Variants in SBNO2 observed in about 807,000 individuals in gnomAD.
SBNO2 encodes the protein protein strawberry notch homolog 2.
In SBNO2, 89 loss-of-function variants were observed where a neutral mutation model predicts 146.3. The observed-to-expected ratio is 0.61, with a 90% CI of 0.51 to 0.73. SBNO2 has a LOEUF of 0.73. Among genes scored for constraint, SBNO2 ranks in the 30% least tolerant of loss-of-function variants. The probability of loss-of-function intolerance (pLI) is 0.00; values close to 1 mark genes in which losing one functional copy is unlikely to be tolerated. For synonymous variants in SBNO2, 1,147 were observed against 892.6 expected (o/e 1.29, Z -5.08); for missense variants, 2,092 against 2,003.7 (o/e 1.04, Z -0.84).
At chr19:1,169,996 G>A (rs1321565329) in intron 1 of SBNO2, among the ~76,000 whole-genome samples, 2 of 152,036 alleles carry the variant, frequency 1.3e-5, no homozygotes, top group East Asian at 1.9e-4. Flanking sequence ...CTCTGGACAC[G>A]TGACCACACG....
At position 1,119,034 on chromosome 19, in the gene SBNO2, C is replaced by A. The variant is rs759529238; in HGVS notation, c.1504G>T (p.Val502Phe). Residue 502 changes from valine to phenylalanine, a missense_variant, in exon 14 of 32, where the codon GTC (valine) becomes TTC (phenylalanine). By Grantham distance (50) the Val-to-Phe change is conservative. Coordinates refer to ENST00000361757, the MANE Select transcript of SBNO2 (RefSeq NM_014963.3). ...ACCAGCAGGGCCGCGCGGTTGTAGACGCACTCGAAGGCTGGGGCCAGCGGG... is the reference window on the plus strand; with the variant it reads ...ACCAGCAGGGCCGCGCGGTTGTAGAAGCACTCGAAGGCTGGGGCCAGCGGG... ...EIPLAPAFEC[V>F]YNRAALLWAE... 1.2e-6 allele frequency: 2 copies of A among 1,602,474 alleles called. No homozygotes were observed. Among genetic ancestry groups the A allele is most frequent in the Non-Finnish European group, 1.7e-6 (2 of 1,176,798 alleles).
At chr19:1,151,981 T>C (rs761083307) in intron 2 of SBNO2, among the ~76,000 whole-genome samples, 3 of 152,140 alleles carry the variant, frequency 2.0e-5, no homozygotes, top group Non-Finnish European at 2.9e-5. Context: ...TTATTTCTAA[T>C]TGAATACTCT....
rs1325115740 is a variant in SBNO2 at position 1,126,825 on chromosome 19, A to G, written c.441+779T>C. Among the ~76,000 whole-genome samples, 1 of 152,200 alleles carries G rather than the reference A, an allele frequency of 6.6e-6. No individual in the cohort carries two copies. Among genetic ancestry groups the G allele is most frequent in the Non-Finnish European group, 1.5e-5 (1 of 68,026 alleles). On this transcript the variant is annotated intron_variant, in intron 5 of 31. Coordinates refer to ENST00000361757, the MANE Select transcript of SBNO2 (RefSeq NM_014963.3). This position sits in a 1 kb window ranked among gnomAD's most constrained non-coding sequence, Gnocchi z 4.4. Reference sequence around the variant, plus strand: ...CTCGTGGACAGGCCCGGATTGGGGAAGGGACTTGCCAGGCCTGGCTCCCAG... The same window carrying G: ...CTCGTGGACAGGCCCGGATTGGGGAGGGGACTTGCCAGGCCTGGCTCCCAG...
intron 2 of SBNO2, among the ~76,000 whole-genome samples, chr19:1,153,769 C>T (rs1436418359): frequency 6.6e-6 from 1 of 152,198 alleles, no homozygotes; most frequent in Non-Finnish European, 1.5e-5. Context: ...AACTCGGGAC[C>T]TCAGGTGATC....
In SBNO2 at chr19:1,158,975, C is replaced by G. The variant is rs1334610966; in HGVS notation, c.-126-4573G>C. On this transcript the variant is annotated intron_variant, in intron 1 of 31. Transcript: ENST00000361757. This position sits in a 1 kb window ranked among gnomAD's most constrained non-coding sequence, Gnocchi z 9.9. ...GCCGTGACCCCACTTGCAGCTGCAACCGCCGCCCCACGGCCGTGACCCCAC... is the reference window on the plus strand; with the variant it reads ...GCCGTGACCCCACTTGCAGCTGCAAGCGCCGCCCCACGGCCGTGACCCCAC... 1.3e-5 allele frequency among the ~76,000 whole-genome samples: 2 copies of G among 151,058 alleles called. No individual in the cohort carries two copies. The highest frequency in any genetic ancestry group is 3.9e-4 in the East Asian group (2 of 5,130).
Position 1,112,497 on chromosome 19 carries a change from G to A in SBNO2, c.2420C>T (p.Ser807Phe). The change falls in exon 21 of 32, where the codon TCC becomes TTC. Residue 807 changes from serine to phenylalanine, a missense_variant. Ser to Phe is a radical substitution (Grantham distance 155, BLOSUM62 -2). Transcript: ENST00000361757. The surrounding 1 kb of genome is among the most constrained non-coding windows in gnomAD (Gnocchi z 5.9). ...IISEASSSGV[S>F]LQADRRVQNQ... ...CTGGACACGGCGGTCGGCTTGGAGG[G>A]AGACACCCGAGCTGGAGGCCTCCGA... The A allele has an allele frequency of 6.2e-7, 1 of 1,605,916 alleles. No individual in the cohort carries two copies. The highest frequency in any genetic ancestry group is 8.5e-7 in the Non-Finnish European group (1 of 1,178,300).
At chr19:1,117,290 C>G (rs764077971) in intron 15 of SBNO2, 33 bp downstream of exon 15, 2 of 1,537,092 alleles carry the variant, frequency 1.3e-6, no homozygotes, top group Admixed American at 2.0e-5. Context: ...CAGGCCCGGC[C>G]GCCCTCAGCC....
chr19:1,108,217 G>A lies in SBNO2; in HGVS notation c.*3C>T. On this transcript the variant is annotated 3_prime_UTR_variant, in exon 32 of 32. Transcript: ENST00000361757. Reference sequence around the variant, plus strand: ...CTTGGGGCATGTTTCGCCTAAAGGCGTGTCAGAGAGGAGCCTGGGCGCCGG... The same window carrying A: ...CTTGGGGCATGTTTCGCCTAAAGGCATGTCAGAGAGGAGCCTGGGCGCCGG... 2.6e-6 allele frequency: 4 copies of A among 1,527,318 alleles called. No homozygotes were observed. The highest frequency in any genetic ancestry group is 2.1e-4 in the Middle Eastern group (1 of 4,736). 94.6% of individuals were successfully genotyped at this position (1,527,318 alleles called of 1,614,324 possible). A position where few individuals can be genotyped will look rare whatever the true frequency, so the allele number is the denominator to read the frequency against.
At chr19:1,162,036 G>A (rs2080352412) in intron 1 of SBNO2, among the ~76,000 whole-genome samples, 1 of 150,914 alleles carries the variant, frequency 6.6e-6, no homozygotes, top group Admixed American at 6.6e-5. Context: ...GGCGCCTGGG[G>A]CCTTTGCAGG....
At chr19:1,122,606 C>CCCCGG in intron 9 of SBNO2, 48 bp from the exon 10 acceptor site, 3 of 1,460,382 alleles carry the variant, frequency 2.1e-6, no homozygotes, top group Non-Finnish European at 2.7e-6. Context: ...CCTCGCCCCC[C>CCCCGG]GCTTCCGCCC....
chr19:1,111,431 T>C, intron 24 of SBNO2, 75 bp downstream of exon 24: 1 of 1,025,538 alleles, frequency 9.8e-7, no homozygotes, highest in Non-Finnish European at 1.5e-6. Flanking sequence ...CAAAGCCTGC[T>C]GCCCCAGCTG....
At chr19:1,128,364 T>C (rs1259201674) in intron 4 of SBNO2, 1 of 338,376 alleles carries the variant, frequency 3.0e-6, no homozygotes, top group Non-Finnish European at 5.8e-6. Context: ...ACACACGCGC[T>C]GCCCAGTGAA....
chr19:1,136,052 T>A lies in SBNO2; in HGVS notation c.280-8287A>T, dbSNP rs913972112. ...AAAGGCCGCACTGGCCGAGCGGGTG[T>A]TCTGTGCCTGGTGTCCTCATTCGAA... On this transcript the variant is annotated intron_variant, in intron 4 of 31. Coordinates refer to ENST00000361757, the MANE Select transcript of SBNO2 (RefSeq NM_014963.3). The surrounding 1 kb of genome is among the most constrained non-coding windows in gnomAD (Gnocchi z 4.2). Among the ~76,000 whole-genome samples the A allele has an allele frequency of 6.6e-5, 10 of 150,442 alleles. No homozygotes were observed. Among genetic ancestry groups the A allele is most frequent in the Admixed American group, 3.3e-4 (5 of 15,132 alleles).
chr19:1,168,569 C>G (rs1000059511), intron 1 of SBNO2: 1 of 152,298 alleles, frequency 6.6e-6, no homozygotes, highest in Non-Finnish European at 1.5e-5. Context: ...AAGCCTGGCC[C>G]TCTCACAGCG....
intron 2 of SBNO2, among the ~76,000 whole-genome samples, chr19:1,152,314 A>G (rs75101177): frequency 0.074 from 11,284 of 152,210 alleles, 585 homozygotes; most frequent in East Asian, 0.25. Context: ...TCCCCACCGT[A>G]GAGCCTCTGG....
At chr19:1,128,988 T>C (rs1373856329) in intron 4 of SBNO2, among the ~76,000 whole-genome samples, 3 of 145,506 alleles carry the variant, frequency 2.1e-5, no homozygotes, top group African/African-American at 7.5e-5. Flanking sequence ...AAAAATAGAC[T>C]GGGCATGGTA....
chr19:1,119,833 T>C (rs2079878644), intron 12 of SBNO2, 73 bp downstream of exon 12: 1 of 1,186,080 alleles, frequency 8.4e-7, no homozygotes, highest in Non-Finnish European at 1.2e-6. Context: ...GCGTGTGGGA[T>C]ACCCCTTCGC....
rs555375085 is a variant in SBNO2, at chr19:1,124,085, G to A, written c.442-63C>T. The A allele has an allele frequency of 2.3e-4, 338 of 1,490,838 alleles. 2 individuals carry two copies. The Middle Eastern group carries it at 2.5e-3, about 11-fold the overall frequency. 92.4% of individuals were successfully genotyped at this position (1,490,838 alleles called of 1,614,324 possible). On this transcript the variant is annotated intron_variant, in intron 5 of 31. Transcript: ENST00000361757. ...GACAGGTCACAGCTGGTGGGCCCTC[G>A]CAGCCTGGCCACCAGAGGGAGGCTC...
At chr19:1,111,867 G>A (rs2079765460) in intron 23 of SBNO2, 129 bp downstream of exon 23, 2 of 966,620 alleles carry the variant, frequency 2.1e-6, no homozygotes, top group African/African-American at 3.3e-5. Context: ...CCTAGACCCG[G>A]CCCTCCTCCA....
Sources: gnomAD v4.1 joint callset for allele counts (sites outside exome capture counted in the v4.1 genomes callset) on GRCh38, gnomAD v4.1.1 for gene constraint, Gnocchi (gnomAD v3.1) non-coding constraint, MANE v1.5 for transcripts, NCBI Gene and HGNC (gene_info 2026-07-23, HGNC 2026-07-21) for gene names.